Variants in TMEM117 observed in about 807,000 individuals in gnomAD.
TMEM117 encodes the protein transmembrane protein 117.
Under a neutral mutation model 52.4 loss-of-function variants are expected in TMEM117, and 27 were observed. That is an observed-to-expected ratio of 0.51 (90% confidence interval 0.38 to 0.71). The LOEUF is 0.71. Ranked by LOEUF, TMEM117 falls within the 30% of genes least tolerant of loss-of-function variation. The probability of loss-of-function intolerance (pLI) is 0.00; values close to 1 mark genes in which losing one functional copy is unlikely to be tolerated. For missense variants in TMEM117, 556 were observed against 630.5 expected (o/e 0.88, Z 1.26); for synonymous variants, 215 against 206.3 (o/e 1.04, Z -0.36).
chr12:43,903,019 T>G (rs1565742576), intron 2 of TMEM117, among the ~76,000 whole-genome samples: 1 of 152,202 alleles, frequency 6.6e-6, no homozygotes, highest in Non-Finnish European at 1.5e-5. Context: ...GATGGAATTT[T>G]TAAACTGTGA....
chr12:43,867,618 T>C lies in TMEM117; in HGVS notation c.277+22690T>C, dbSNP rs144801675. Among the ~76,000 whole-genome samples the C allele has an allele frequency of 7.9e-5, 12 of 152,200 alleles. 1 individual carries two copies. Among genetic ancestry groups the C allele is most frequent in the African/African-American group, 2.7e-4 (11 of 41,508 alleles). ...AAATATAACAACAGAGCAGTTGAAA[T>C]CAACAGGATGGAAAATGAATATATC... is the stretch of plus-strand genomic sequence containing the variant. On this transcript the variant is annotated intron_variant, in intron 2 of 7. Coordinates refer to ENST00000266534, the MANE Select transcript of TMEM117 (RefSeq NM_032256.3).
chr12:44,327,095 A>G (rs116233730), intron 6 of TMEM117, among the ~76,000 whole-genome samples: 2,823 of 152,222 alleles, frequency 0.019, 90 homozygotes, highest in African/African-American at 0.064. Flanking sequence ...TTTATTGGCT[A>G]TACTGTAGGT....
At chr12:43,835,533 C>T (rs142186596), upstream of TMEM117, among the ~76,000 whole-genome samples, 1 of 152,164 alleles carries the variant, frequency 6.6e-6, no homozygotes, top group Non-Finnish European at 1.5e-5. Context: ...TGGAAGACTT[C>T]TCATACTCCT....
rs183038185 is a variant in TMEM117, at chr12:44,034,186, T to C, written c.410+89844T>C. On this transcript the variant is annotated intron_variant, in intron 3 of 7. Transcript: ENST00000266534. ...CCTTTAATTACACTGTGATAGATTT[T>C]ACATCTGAAAAAACCCTCCTGCTAC... Among the ~76,000 whole-genome samples the C allele has an allele frequency of 2.3e-3, 355 of 152,344 alleles. 3 individuals are homozygous for C. The highest frequency in any genetic ancestry group is 8.1e-3 in the African/African-American group (337 of 41,570).
chr12:44,050,790 A>G (rs1020893236), intron 3 of TMEM117, among the ~76,000 whole-genome samples: 5 of 152,198 alleles, frequency 3.3e-5, no homozygotes, highest in Non-Finnish European at 7.3e-5. Context: ...CTTTTGTTTC[A>G]CAAAGAATGT....
chr12:44,335,680 G>A lies in TMEM117; in HGVS notation c.768+35941G>A, dbSNP rs184354598. Among the ~76,000 whole-genome samples, 30 of 152,174 alleles carry A rather than the reference G, an allele frequency of 2.0e-4. No individual in the cohort carries two copies. In the East Asian group the frequency reaches 5.2e-3, roughly 26 times the overall value. ...AAAAACATAATCTTGGTAAAGACAT[G>A]TAGAGATTTTTGTTGGTGAAGCTTT... On this transcript the variant is annotated intron_variant, in intron 6 of 7. Transcript: ENST00000266534.
chr12:43,902,834 A>G (rs1412274082), intron 2 of TMEM117, among the ~76,000 whole-genome samples: 1 of 152,216 alleles, frequency 6.6e-6, no homozygotes, highest in Non-Finnish European at 1.5e-5. Flanking sequence ...CATAATCTTA[A>G]AAAACTGGAT....
the TMEM117 span, among the ~76,000 whole-genome samples, chr12:43,817,116 T>C: frequency 6.6e-6 from 1 of 152,184 alleles, no homozygotes. Context: ...AAAATAGAAA[T>C]AAGTGACACA....
chr12:44,359,215 A>G (rs1172247774), intron 6 of TMEM117, among the ~76,000 whole-genome samples: 1 of 152,124 alleles, frequency 6.6e-6, no homozygotes, highest in East Asian at 1.9e-4. Flanking sequence ...AGGCAAAAAA[A>G]AAAAGTAAAA....
chr12:44,172,869 T>C lies in TMEM117; in HGVS notation c.510+29245T>C, dbSNP rs144420559. 4.2e-3 allele frequency among the ~76,000 whole-genome samples: 642 copies of C among 152,042 alleles called. 8 individuals carry two copies. Among genetic ancestry groups the C allele is most frequent in the African/African-American group, 0.014 (566 of 41,484 alleles). ...CCTCCCGAGTAGCTAGGATTACAGG[T>C]GCATGCCACCACGCCCGGCTAATTT... On this transcript the variant is annotated intron_variant, in intron 4 of 7. Transcript: ENST00000266534.
chr12:44,335,994 C>A (rs930185908), intron 6 of TMEM117, among the ~76,000 whole-genome samples: 1 of 151,988 alleles, frequency 6.6e-6, no homozygotes, highest in Non-Finnish European at 1.5e-5. Flanking sequence ...ACATGATATA[C>A]CTTCCATAAA....
At chr12:43,984,177 G>T (rs1342704814) in intron 3 of TMEM117, among the ~76,000 whole-genome samples, 1 of 152,060 alleles carries the variant, frequency 6.6e-6, no homozygotes, top group Non-Finnish European at 1.5e-5. Flanking sequence ...AGGCCAGCCT[G>T]GCCAACATGG....
chr12:43,826,938 G>A, the TMEM117 span, among the ~76,000 whole-genome samples: 1 of 151,970 alleles, frequency 6.6e-6, no homozygotes, highest in African/African-American at 2.4e-5. Context: ...TCTATGGTTG[G>A]TTGACGATGC....
Position 43,921,070 on chromosome 12 carries a change from T to C in TMEM117, c.278-23140T>C, listed in dbSNP as rs180990152. On this transcript the variant is annotated intron_variant, in intron 2 of 7. Transcript: ENST00000266534. The stretch of plus-strand genomic sequence containing the variant: ...TTCTGTGTTTCCTAATGTGGCCCTA[T>C]TGATGCTCTTAAAATAATGTGATCT... Among the ~76,000 whole-genome samples, 38 of 152,284 alleles carry C rather than the reference T, an allele frequency of 2.5e-4. 1 individual carries two copies. Among genetic ancestry groups the C allele is most frequent in the Admixed American group, 1.4e-3 (21 of 15,292 alleles).
the TMEM117 span, among the ~76,000 whole-genome samples, chr12:43,819,725 G>A: frequency 1.3e-5 from 2 of 151,990 alleles, no homozygotes; most frequent in African/African-American, 2.4e-5. Flanking sequence ...GCGGTGAGCC[G>A]AGATTGCGCC....
At position 43,942,862 on chromosome 12, in the gene TMEM117, A is replaced by T. The variant is rs142903298; in HGVS notation, c.278-1348A>T. ...TATATTTCATAACTGACATATCATT[A>T]AAAAAGGGAATATTTTCTAACGTAA... On this transcript the variant is annotated intron_variant, in intron 2 of 7. Transcript: ENST00000266534. Among the ~76,000 whole-genome samples the T allele has an allele frequency of 7.2e-5, 11 of 152,284 alleles. No homozygotes were observed. In the East Asian group the frequency reaches 2.1e-3, roughly 29 times the overall value.
At chr12:44,199,419 T>C (rs1426838350) in intron 4 of TMEM117, among the ~76,000 whole-genome samples, 1 of 152,202 alleles carries the variant, frequency 6.6e-6, no homozygotes, top group Non-Finnish European at 1.5e-5. Context: ...AAGTGCCAAA[T>C]ACTTGCTTAT....
the TMEM117 span, among the ~76,000 whole-genome samples, chr12:43,810,584 G>T: frequency 2.0e-5 from 3 of 148,014 alleles, no homozygotes; most frequent in African/African-American, 8.0e-5. Context: ...GCATAGCAGG[G>T]TTTGTTTGTT....
At chr12:43,846,540 G>A (rs560693892) in intron 2 of TMEM117, among the ~76,000 whole-genome samples, 2 of 152,284 alleles carry the variant, frequency 1.3e-5, no homozygotes, top group East Asian at 3.9e-4. Context: ...TTCAATAGAT[G>A]TTCATCGCTT....
Sources: gnomAD v4.1 joint callset for allele counts (sites outside exome capture counted in the v4.1 genomes callset) on GRCh38, gnomAD v4.1.1 for gene constraint, MANE v1.5 for transcripts, NCBI Gene and HGNC (gene_info 2026-07-23, HGNC 2026-07-21) for gene names.